The following BICC1 variants were observed in gnomAD, a reference collection of about 807,000 sequenced individuals.
BICC1 encodes BicC family RNA binding protein 1.
A neutral mutation model predicts 111.0 loss-of-function variants in BICC1; 43 were observed. The ratio of observed to expected loss-of-function variants is 0.39; its 90% CI spans 0.30 to 0.50. The LOEUF is 0.50. BICC1 is among the 20% of genes least tolerant of loss of function. The probability of loss-of-function intolerance (pLI) is 0.88; values close to 1 mark genes in which losing one functional copy is unlikely to be tolerated. For synonymous variants in BICC1, 467 were observed against 434.4 expected (o/e 1.07, Z -0.93); for missense variants, 1,091 against 1,203.2 (o/e 0.91, Z 1.38).
chr10:58,647,072 C>T (rs1174953493), intron 2 of BICC1, among the ~76,000 whole-genome samples: 1 of 152,114 alleles, frequency 6.6e-6, no homozygotes, highest in Non-Finnish European at 1.5e-5. Context: ...TAATCATCTT[C>T]CTATGGTAGA....
intron 20 of BICC1, among the ~76,000 whole-genome samples, chr10:58,825,643 T>C (rs1844372259): frequency 1.3e-5 from 2 of 152,210 alleles, no homozygotes; most frequent in African/African-American, 4.8e-5. Flanking sequence ...AATAATTTCA[T>C]AGCCACCTTC....
At chr10:58,536,970 G>A (rs568008026) in intron 1 of BICC1, among the ~76,000 whole-genome samples, 4 of 151,734 alleles carry the variant, frequency 2.6e-5, no homozygotes, top group East Asian at 1.9e-4. Flanking sequence ...ATAAATTCCC[G>A]GAAACATACG....
At chr10:58,614,297 G>T (rs1845530772) in intron 1 of BICC1, among the ~76,000 whole-genome samples, 1 of 152,086 alleles carries the variant, frequency 6.6e-6, no homozygotes, top group African/African-American at 2.4e-5. Context: ...CCCTAGGAAG[G>T]GCTAATGATT....
At chr10:58,732,641 T>A (rs913609138) in intron 3 of BICC1, among the ~76,000 whole-genome samples, 1 of 151,374 alleles carries the variant, frequency 6.6e-6, no homozygotes, top group Non-Finnish European at 1.5e-5. Context: ...ATTAGCCGTG[T>A]GTAGTGATGC....
At chr10:58,519,942 G>T (rs186498636) in intron 1 of BICC1, among the ~76,000 whole-genome samples, 1 of 151,712 alleles carries the variant, frequency 6.6e-6, no homozygotes, top group African/African-American at 2.4e-5. Context: ...TCCTCCCACT[G>T]TCCACACATG....
chr10:58,759,788 T>C (rs1842254585), intron 3 of BICC1, among the ~76,000 whole-genome samples: 1 of 151,716 alleles, frequency 6.6e-6, no homozygotes, highest in Non-Finnish European at 1.5e-5. Context: ...TGAAACCCCG[T>C]CTCTACTAAA....
At chr10:58,749,989 G>T (rs1375928231) in intron 3 of BICC1, among the ~76,000 whole-genome samples, 1 of 152,126 alleles carries the variant, frequency 6.6e-6, no homozygotes, top group South Asian at 2.1e-4. Context: ...ACAAATCTAA[G>T]TGCAGAGATT....
chr10:58,774,414 A>G (rs1286643981), intron 3 of BICC1, among the ~76,000 whole-genome samples: 2 of 152,216 alleles, frequency 1.3e-5, no homozygotes, highest in Non-Finnish European at 2.9e-5. Flanking sequence ...ACTTGAATAC[A>G]TTTTTTAAAG....
chr10:58,558,836 A>G (rs1270768312), intron 1 of BICC1, among the ~76,000 whole-genome samples: 1 of 152,114 alleles, frequency 6.6e-6, no homozygotes, highest in African/African-American at 2.4e-5. Flanking sequence ...TTCTAGCTGC[A>G]TCCTCACATA....
chr10:58,804,538 A>G (rs902821080), intron 15 of BICC1, among the ~76,000 whole-genome samples: 2 of 152,180 alleles, frequency 1.3e-5, no homozygotes, highest in Non-Finnish European at 2.9e-5. Flanking sequence ...AATAAATAAA[A>G]TAAAAAAGAC....
In BICC1 at chr10:58,513,171, C is replaced by A; in HGVS notation, c.28C>A (p.Leu10Met). 1 of 1,568,952 alleles carries A rather than the reference C, an allele frequency of 6.4e-7. No individual in the cohort carries two copies. Residue 10 changes from leucine (L) to methionine (M), a missense_variant, in exon 1 of 21, where the codon CTG (leucine) becomes ATG (methionine). Transcript: ENST00000373886. MAAQGEPGY[L>M]AAQSDPGSNS... ...GGCCGCCCAGGGAGAGCCCGGCTAC[C>A]TGGCGGCGCAGTCGGACCCCGGCTC... is the stretch of plus-strand genomic sequence containing the variant.
At chr10:58,814,749 T>A (rs1844031370) in intron 18 of BICC1, among the ~76,000 whole-genome samples, 1 of 151,782 alleles carries the variant, frequency 6.6e-6, no homozygotes. Flanking sequence ...TGAGCTGTAA[T>A]TGAACCACTG....
intron 3 of BICC1, among the ~76,000 whole-genome samples, chr10:58,708,578 A>C (rs1169662525): frequency 6.6e-6 from 1 of 152,212 alleles, no homozygotes; most frequent in Non-Finnish European, 1.5e-5. Context: ...ACAGGCTTGA[A>C]GAAATGGTGT....
At chr10:58,687,411 G>A (rs535895210) in intron 2 of BICC1, among the ~76,000 whole-genome samples, 3 of 152,328 alleles carry the variant, frequency 2.0e-5, no homozygotes, top group African/African-American at 7.2e-5. Flanking sequence ...AGACAGGGAC[G>A]TTTAAGTCTG....
intron 1 of BICC1, among the ~76,000 whole-genome samples, chr10:58,559,598 G>A (rs1843548697): frequency 6.6e-6 from 1 of 152,032 alleles, no homozygotes; most frequent in Non-Finnish European, 1.5e-5. Flanking sequence ...TTCCTTAATT[G>A]TTCTGGCTAA....
chr10:58,606,306 A>AT (rs1300437368), intron 1 of BICC1, among the ~76,000 whole-genome samples: 2 of 150,994 alleles, frequency 1.3e-5, no homozygotes, highest in African/African-American at 4.9e-5. Context: ...TAGGGAGGTA[A>AT]TTTTTTTCCC....
chr10:58,827,271 G>A (rs1164267501), intron 20 of BICC1, among the ~76,000 whole-genome samples: 1 of 152,194 alleles, frequency 6.6e-6, no homozygotes, highest in African/African-American at 2.4e-5. Flanking sequence ...AAAGCTGGAA[G>A]GTTTACACCA....
chr10:58,620,881 G>A lies in BICC1; in HGVS notation c.217G>A (p.Gly73Arg). The change falls in exon 2 of 21, where the codon GGG becomes AGG. Residue 73 changes from glycine to arginine, a missense_variant. Coordinates refer to ENST00000373886, the MANE Select transcript of BICC1 (RefSeq NM_001080512.3). The stretch of plus-strand genomic sequence containing the variant: ...TGCTGCTGAAGGGAAAGGCAGAAGT[G>A]GGGAAGACTTTTTTCAAAAGGTAAG... Reference protein sequence around the residue: ...QAAAEGKGRSGEDFFQKIMEE... With the variant: ...QAAAEGKGRSREDFFQKIMEE... The A allele has an allele frequency of 6.2e-7, 1 of 1,613,396 alleles. No individual in the cohort carries two copies.
In BICC1 at chr10:58,628,197, A is replaced by G. The variant is rs562243753; in HGVS notation, c.237+7296A>G. Among the ~76,000 whole-genome samples, 17 of 152,318 alleles carry G rather than the reference A, an allele frequency of 1.1e-4. No homozygotes were observed. In the South Asian group the frequency reaches 3.5e-3, roughly 32 times the overall value. Reference sequence around the variant, plus strand: ...TCCATTACTTTTATAATCAGGATTAAAAACAACTACCATCTTATGAAGAAA... The same window carrying G: ...TCCATTACTTTTATAATCAGGATTAGAAACAACTACCATCTTATGAAGAAA... On this transcript the variant is annotated intron_variant, in intron 2 of 20. Transcript: ENST00000373886.
Sources: allele counts gnomAD v4.1 joint callset (sites outside exome capture counted in the v4.1 genomes callset), GRCh38; gene constraint gnomAD v4.1.1; transcripts MANE v1.5; gene names NCBI Gene and HGNC (gene_info 2026-07-23, HGNC 2026-07-21).